The following FAF1 variants were observed in gnomAD, a reference collection of about 807,000 sequenced individuals.
FAF1 encodes the protein FAS-associated factor 1.
Under a neutral mutation model 92.5 loss-of-function variants are expected in FAF1, and 25 were observed. The observed-to-expected ratio is 0.27, with a 90% CI of 0.20 to 0.38. The LOEUF is 0.38. Among genes scored for constraint, FAF1 ranks in the 10% least tolerant of loss-of-function variants. The pLI is 1.00. For synonymous variants in FAF1, 234 were observed against 273.2 expected, an observed-to-expected ratio of 0.86 and a Z score of 1.42; for missense variants, 636 against 793.3, an observed-to-expected ratio of 0.80 and a Z score of 2.38.
chr1:50,795,410 A>T (rs1456787729), intron 3 of FAF1, among the ~76,000 whole-genome samples: 1 of 152,204 alleles, frequency 6.6e-6, no homozygotes. Flanking sequence ...GTTCTAACTA[A>T]GGAACTTGTT....
intron 2 of FAF1, among the ~76,000 whole-genome samples, chr1:50,807,952 G>C (rs1209407102): frequency 6.6e-6 from 1 of 152,062 alleles, no homozygotes; most frequent in African/African-American, 2.4e-5. Context: ...GCCCAAGACA[G>C]AGTAATCAGA....
intron 18 of FAF1, among the ~76,000 whole-genome samples, chr1:50,448,459 G>T (rs562245689): frequency 5.3e-5 from 8 of 152,214 alleles, no homozygotes; most frequent in African/African-American, 1.7e-4. Context: ...TCACATTTAT[G>T]TATCCACATG....
chr1:50,547,734 T>C (rs1649103178), intron 13 of FAF1, among the ~76,000 whole-genome samples: 1 of 152,190 alleles, frequency 6.6e-6, no homozygotes, highest in Admixed American at 6.5e-5. Flanking sequence ...AATTTCTTAA[T>C]CTTTCTCCTT....
Position 50,539,747 on chromosome 1 carries a change from CAAAGTA to C in FAF1, c.1269-25_1269-20del. On this transcript the variant is annotated intron_variant, in intron 13 of 18. Transcript: ENST00000396153. ...GAGAAATCTAAAAGGAGACAAAATA[CAAAGTA>C]AGTTTTGCTTTGTAGTTTAATAGAT... 2 of 1,595,336 alleles carry C rather than the reference CAAAGTA, an allele frequency of 1.3e-6. No individual in the cohort carries two copies. Among genetic ancestry groups the C allele is most frequent in the Non-Finnish European group, 1.7e-6 (2 of 1,167,386 alleles).
At chr1:50,827,811 T>C (rs1163769537) in intron 2 of FAF1, among the ~76,000 whole-genome samples, 2 of 151,974 alleles carry the variant, frequency 1.3e-5, no homozygotes, top group African/African-American at 4.8e-5. Flanking sequence ...AAAATGTACA[T>C]AATTACGACA....
At chr1:50,552,923 G>A (rs774321095) in intron 13 of FAF1, among the ~76,000 whole-genome samples, 18 of 152,124 alleles carry the variant, frequency 1.2e-4, no homozygotes, top group Non-Finnish European at 2.4e-4. Flanking sequence ...TTAAAAGAGA[G>A]AGAGAAAAAA....
intron 13 of FAF1, among the ~76,000 whole-genome samples, chr1:50,565,862 C>T (rs556116583): frequency 6.6e-6 from 1 of 152,154 alleles, no homozygotes; most frequent in Admixed American, 6.5e-5. Flanking sequence ...TTCCTTACTG[C>T]CAGTGAATGG....
intron 1 of FAF1, among the ~76,000 whole-genome samples, chr1:50,934,972 G>C (rs1385539276): frequency 6.6e-6 from 1 of 151,930 alleles, no homozygotes; most frequent in African/African-American, 2.4e-5. Flanking sequence ...TTGGTTTTTA[G>C]CAATTTGATT....
intron 8 of FAF1, among the ~76,000 whole-genome samples, chr1:50,624,783 G>T (rs1338829102): frequency 6.6e-6 from 1 of 151,864 alleles, no homozygotes; most frequent in Admixed American, 6.6e-5. Context: ...CCCCAAAGTA[G>T]AATCCAACTG....
rs565373054 is a variant in FAF1, at chr1:50,928,659, TG to T, written c.45+31107del. On this transcript the variant is annotated intron_variant, in intron 1 of 18. Coordinates refer to ENST00000396153, the MANE Select transcript of FAF1 (RefSeq NM_007051.3). ...TCAGCCGAGCATGATGGCGGGCGCC[TG>T]TAATCCCAACTACTCGAGAGGCTGA... Among the ~76,000 whole-genome samples, 836 of 150,904 alleles carry T rather than the reference TG, an allele frequency of 5.5e-3. 5 individuals carry two copies. Among genetic ancestry groups the T allele is most frequent in the African/African-American group, 0.019 (767 of 41,000 alleles).
chr1:50,576,640 C>T (rs532028455), intron 12 of FAF1, among the ~76,000 whole-genome samples: 34 of 151,010 alleles, frequency 2.3e-4, no homozygotes, highest in Admixed American at 4.6e-4. Context: ...ACCGCCCCCC[C>T]CCCGCCACCA....
intron 17 of FAF1, among the ~76,000 whole-genome samples, chr1:50,484,472 A>G (rs1012167296): frequency 3.3e-5 from 5 of 152,154 alleles, no homozygotes; most frequent in African/African-American, 1.2e-4. Flanking sequence ...CCATAATTAT[A>G]ATAAGGTATA....
At chr1:50,851,466 CTG>C in intron 2 of FAF1, among the ~76,000 whole-genome samples, 1 of 152,198 alleles carries the variant, frequency 6.6e-6, no homozygotes, top group East Asian at 1.9e-4. Flanking sequence ...GGTTTTCCCG[CTG>C]TGAGCTGAAT....
intron 17 of FAF1, among the ~76,000 whole-genome samples, chr1:50,476,618 TGAGA>T (rs1646642220): frequency 6.6e-6 from 1 of 152,164 alleles, no homozygotes; most frequent in South Asian, 2.1e-4. Flanking sequence ...TCTAGAACCC[TGAGA>T]AAGACTTCAT....
At chr1:50,938,412 A>G (rs192564810) in intron 1 of FAF1, among the ~76,000 whole-genome samples, 1 of 152,304 alleles carries the variant, frequency 6.6e-6, no homozygotes, top group African/African-American at 2.4e-5. Flanking sequence ...ATGGCTCTGT[A>G]TCCATTATTA....
At chr1:50,733,196 C>T (rs1330104716) in intron 6 of FAF1, among the ~76,000 whole-genome samples, 1 of 152,184 alleles carries the variant, frequency 6.6e-6, no homozygotes, top group Non-Finnish European at 1.5e-5. Context: ...ATCAGTTTAG[C>T]TTCACACTTC....
intron 13 of FAF1, among the ~76,000 whole-genome samples, chr1:50,547,142 C>T (rs1235002460): frequency 6.6e-6 from 1 of 152,034 alleles, no homozygotes; most frequent in East Asian, 1.9e-4. Flanking sequence ...ATCCACTGGC[C>T]TCACCCTCCC....
At chr1:50,898,619 G>C (rs923466053) in intron 1 of FAF1, among the ~76,000 whole-genome samples, 5 of 152,112 alleles carry the variant, frequency 3.3e-5, no homozygotes, top group African/African-American at 1.2e-4. Flanking sequence ...ATAGAAGGGA[G>C]AGAATAGGGC....
At chr1:50,688,751 G>C (rs1315503147) in intron 7 of FAF1, among the ~76,000 whole-genome samples, 1 of 152,182 alleles carries the variant, frequency 6.6e-6, no homozygotes, top group African/African-American at 2.4e-5. Flanking sequence ...GGCGGAGGTT[G>C]CGGTGAGCCG....
Sources: allele counts gnomAD v4.1 joint callset (sites outside exome capture counted in the v4.1 genomes callset), GRCh38; gene constraint gnomAD v4.1.1; transcripts MANE v1.5; gene names NCBI Gene and HGNC (gene_info 2026-07-23, HGNC 2026-07-21).